ITFG1: variants seen among roughly 807,000 people sequenced by gnomAD.
ITFG1 encodes the protein integrin alpha FG-GAP repeat containing 1, also known as T-cell immunomodulatory protein.
In ITFG1, 34 loss-of-function variants were observed where a neutral mutation model predicts 81.8. The observed-to-expected ratio is 0.42, with a 90% CI of 0.32 to 0.55. The LOEUF (loss-of-function observed/expected upper bound fraction) is 0.55. ITFG1 is among the 20% of genes least tolerant of loss of function. The probability of loss-of-function intolerance (pLI) is 0.17; values close to 1 mark genes in which losing one functional copy is unlikely to be tolerated. For missense variants in ITFG1, 672 were observed against 755.4 expected (o/e 0.89, Z 1.29); for synonymous variants, 285 against 270.6 (o/e 1.05, Z -0.52).
chr16:47,421,550 GC>G (rs564512847), intron 6 of ITFG1, among the ~76,000 whole-genome samples: 30 of 152,174 alleles, frequency 2.0e-4, no homozygotes, highest in Admixed American at 1.8e-3. Context: ...TGATCCGCCC[GC>G]CTTGGCCTCC....
Position 47,446,463 on chromosome 16 carries a change from C to T in ITFG1, c.560+4933G>A, listed in dbSNP as rs147709557. Among the ~76,000 whole-genome samples, 878 of 152,208 alleles carry T rather than the reference C, an allele frequency of 5.8e-3. 7 individuals are homozygous for T. Among genetic ancestry groups the T allele is most frequent in the African/African-American group, 0.02 (836 of 41,522 alleles). ...CAGTCATGTTTTATTATACTTTGTCCCAATGTTTCTACCTTCCTAGGGGGT... is the reference window on the plus strand; with the variant it reads ...CAGTCATGTTTTATTATACTTTGTCTCAATGTTTCTACCTTCCTAGGGGGT... On this transcript the variant is annotated intron_variant, in intron 5 of 17. Coordinates refer to ENST00000320640, the MANE Select transcript of ITFG1 (RefSeq NM_030790.5).
chr16:47,453,142 T>C, intron 3 of ITFG1, among the ~76,000 whole-genome samples: 1 of 152,336 alleles, frequency 6.6e-6, no homozygotes, highest in East Asian at 1.9e-4. Flanking sequence ...CAAAACTTCC[T>C]GGTTCTAAAA....
At chr16:47,281,948 T>A (rs1368224442) in intron 10 of ITFG1, among the ~76,000 whole-genome samples, 1 of 152,088 alleles carries the variant, frequency 6.6e-6, no homozygotes, top group Non-Finnish European at 1.5e-5. Flanking sequence ...GGGCTTTTAG[T>A]ATACAATAGT....
chr16:47,461,026 A>T lies in ITFG1; in HGVS notation c.20T>A (p.Leu7His). MAAAGR[L>H]PSSWALFSPL... is the part of the protein sequence containing the mutation. The stretch of plus-strand genomic sequence containing the variant: ...CGAGAAGAGGGCCCAGGAGCTCGGG[A>T]GCCGGCCCGCCGCCGCCATGGCAGC... The change falls in exon 1 of 18, where the codon CTC becomes CAC. Residue 7 changes from leucine (L) to histidine (H), a missense_variant. Leu to His is a moderately conservative substitution (Grantham distance 99). Transcript: ENST00000320640. The T allele has an allele frequency of 6.5e-7, 1 of 1,542,970 alleles. No homozygotes were observed. The highest frequency in any genetic ancestry group is 2.4e-5 in the East Asian group (1 of 40,854).
chr16:47,407,762 C>T (rs963984399), intron 6 of ITFG1, among the ~76,000 whole-genome samples: 7 of 152,250 alleles, frequency 4.6e-5, no homozygotes, highest in Admixed American at 1.3e-4. Flanking sequence ...GAAAAATAGT[C>T]TGAACTGTCT....
chr16:47,420,101 G>C (rs187480469), intron 6 of ITFG1, among the ~76,000 whole-genome samples: 118 of 152,204 alleles, frequency 7.8e-4, no homozygotes, highest in African/African-American at 2.7e-3. Flanking sequence ...TGAGTAAATG[G>C]TTGACCAAGA....
chr16:47,371,661 A>T (rs1274689479), intron 7 of ITFG1, among the ~76,000 whole-genome samples: 1 of 152,172 alleles, frequency 6.6e-6, no homozygotes, highest in East Asian at 1.9e-4. Flanking sequence ...ATTTATGTAA[A>T]GCAGTGGTTC....
intron 12 of ITFG1, among the ~76,000 whole-genome samples, chr16:47,246,410 T>A (rs1490929177): frequency 6.6e-6 from 1 of 152,184 alleles, no homozygotes; most frequent in African/African-American, 2.4e-5. Context: ...ATAATACAAA[T>A]AGAGTATGCA....
At chr16:47,158,469 T>A (rs1350841423) in intron 17 of ITFG1, among the ~76,000 whole-genome samples, 2 of 152,228 alleles carry the variant, frequency 1.3e-5, no homozygotes, top group Non-Finnish European at 2.9e-5. Flanking sequence ...CTAATTCTTT[T>A]CAAAGAGATA....
chr16:47,355,450 T>G (rs1968026022), intron 8 of ITFG1, among the ~76,000 whole-genome samples: 1 of 152,110 alleles, frequency 6.6e-6, no homozygotes. Flanking sequence ...CAGAATACTT[T>G]CTGGTGTTCT....
chr16:47,424,682 G>A (rs1349419064), intron 6 of ITFG1, among the ~76,000 whole-genome samples: 1 of 152,108 alleles, frequency 6.6e-6, no homozygotes, highest in Non-Finnish European at 1.5e-5. Context: ...CCTTCTAACA[G>A]TCAGGCCCCT....
intron 7 of ITFG1, among the ~76,000 whole-genome samples, chr16:47,369,645 G>T (rs1167487422): frequency 6.6e-6 from 1 of 151,862 alleles, no homozygotes; most frequent in Non-Finnish European, 1.5e-5. Context: ...GAGTAATTTT[G>T]TTATGAAACA....
intron 13 of ITFG1, among the ~76,000 whole-genome samples, chr16:47,234,747 T>C (rs1965854739): frequency 6.6e-6 from 1 of 152,206 alleles, no homozygotes; most frequent in Non-Finnish European, 1.5e-5. Flanking sequence ...TTGAAGACCA[T>C]GAATTAGGGT....
intron 6 of ITFG1, among the ~76,000 whole-genome samples, chr16:47,413,838 T>C (rs1369390825): frequency 6.6e-5 from 10 of 152,066 alleles, no homozygotes; most frequent in Admixed American, 6.5e-4. Context: ...AACATACAGA[T>C]GTACTTATTC....
chr16:47,351,441 T>C (rs1029594353), intron 8 of ITFG1, among the ~76,000 whole-genome samples: 3 of 152,176 alleles, frequency 2.0e-5, no homozygotes, highest in African/African-American at 4.8e-5. Flanking sequence ...AGTCAAATCA[T>C]GAGTGAACTC....
chr16:47,218,934 T>A lies in ITFG1; in HGVS notation c.1387A>T (p.Asn463Tyr). The A allele has an allele frequency of 6.3e-7, 1 of 1,597,872 alleles. No individual in the cohort carries two copies. Among genetic ancestry groups the A allele is most frequent in the Non-Finnish European group, 8.5e-7 (1 of 1,171,712 alleles). ...TACATGATATAAGGTCCAGGTTGATTCACTCCAAAGGGCTGCAATAGAAAA... is the reference window on the plus strand; with the variant it reads ...TACATGATATAAGGTCCAGGTTGATACACTCCAAAGGGCTGCAATAGAAAA... ...CPRKITPFGV[N>Y]QPGPYIMYTT... Residue 463 changes from asparagine (N) to tyrosine (Y), a missense_variant, in exon 14 of 18, where the codon AAT (asparagine) becomes TAT (tyrosine). This residue lies in a region of ITFG1 where 560 missense variants were observed against 625.7 expected (regional missense o/e 0.90). Coordinates refer to ENST00000320640, the MANE Select transcript of ITFG1 (RefSeq NM_030790.5).
chr16:47,224,097 A>T (rs913369451), intron 13 of ITFG1, among the ~76,000 whole-genome samples: 1 of 151,846 alleles, frequency 6.6e-6, no homozygotes, highest in African/African-American at 2.4e-5. Context: ...TAGCATTGGG[A>T]GATACACCTA....
intron 14 of ITFG1, among the ~76,000 whole-genome samples, chr16:47,190,163 G>C (rs1347550521): frequency 6.6e-6 from 1 of 151,980 alleles, no homozygotes; most frequent in Non-Finnish European, 1.5e-5. Context: ...ACCTCTCTGA[G>C]AGGGAAAACA....
At chr16:47,402,514 C>T (rs1194965560) in intron 6 of ITFG1, among the ~76,000 whole-genome samples, 1 of 152,190 alleles carries the variant, frequency 6.6e-6, no homozygotes, top group Non-Finnish European at 1.5e-5. Flanking sequence ...GTTTGGATGT[C>T]ACAACCATTG....
Sources: allele counts gnomAD v4.1 joint callset (sites outside exome capture counted in the v4.1 genomes callset), GRCh38; gene constraint gnomAD v4.1.1; regional missense constraint gnomAD v4.1.1; transcripts MANE v1.5; gene names NCBI Gene and HGNC (gene_info 2026-07-23, HGNC 2026-07-21).